Variants in MOB1B observed in about 807,000 individuals in gnomAD.
MOB1B encodes the protein MOB kinase activator 1B, also known as MOB1 Mps One Binder homolog B.
Under a neutral mutation model 24.4 loss-of-function variants are expected in MOB1B, and 19 were observed. The ratio of observed to expected loss-of-function variants is 0.78; its 90% CI spans 0.54 to 1.14. The LOEUF is 1.14. Among genes scored for constraint, MOB1B ranks in the 50% most tolerant of loss-of-function variants. The probability of loss-of-function intolerance (pLI) is 0.00; values close to 1 mark genes in which losing one functional copy is unlikely to be tolerated. For synonymous variants in MOB1B, 76 were observed against 82.1 expected (o/e 0.93, Z 0.40); for missense variants, 243 against 259.6 (o/e 0.94, Z 0.44).
At chr4:70,943,529 G>A (rs1737435109) in intron 1 of MOB1B, among the ~76,000 whole-genome samples, 1 of 152,116 alleles carries the variant, frequency 6.6e-6, no homozygotes, top group African/African-American at 2.4e-5. Flanking sequence ...AAAGACAGTA[G>A]TTCAAGGTAT....
chr4:70,976,767 T>TATATATAC (rs1553939784), intron 4 of MOB1B: 2 of 215,414 alleles, frequency 9.3e-6, no homozygotes, highest in African/African-American at 5.4e-5. Flanking sequence ...TATATATATA[T>TATATATAC]ATATATATCT....
intron 1 of MOB1B, among the ~76,000 whole-genome samples, chr4:70,923,514 T>C (rs1247910514): frequency 1.3e-5 from 2 of 152,206 alleles, no homozygotes; most frequent in East Asian, 3.8e-4. Context: ...AATTTTCTTT[T>C]ATTGCTACCC....
At chr4:70,913,306 A>G (rs1055152081) in intron 1 of MOB1B, among the ~76,000 whole-genome samples, 2 of 151,258 alleles carry the variant, frequency 1.3e-5, no homozygotes, top group Non-Finnish European at 2.9e-5. Flanking sequence ...GTATGTATCT[A>G]TGTATTTTTT....
At chr4:70,978,500 A>G (rs375816100) in intron 4 of MOB1B, among the ~76,000 whole-genome samples, 1 of 152,258 alleles carries the variant, frequency 6.6e-6, no homozygotes, top group African/African-American at 2.4e-5. Context: ...AGGAACCTCC[A>G]TGCTGTTTTC....
intron 3 of MOB1B, among the ~76,000 whole-genome samples, chr4:70,970,737 C>G (rs978510891): frequency 1.3e-5 from 2 of 152,116 alleles, no homozygotes; most frequent in African/African-American, 2.4e-5. Flanking sequence ...GAATATTGCT[C>G]TATGCATTGC....
At chr4:70,919,647 C>T (rs1156628167) in intron 1 of MOB1B, among the ~76,000 whole-genome samples, 2 of 152,134 alleles carry the variant, frequency 1.3e-5, no homozygotes, top group Non-Finnish European at 2.9e-5. Flanking sequence ...TACAGGCGCG[C>T]ACCACCATGC....
At chr4:70,902,850 C>T (rs1382444357) in intron 1 of MOB1B, among the ~76,000 whole-genome samples, 3 of 152,220 alleles carry the variant, frequency 2.0e-5, no homozygotes, top group Non-Finnish European at 4.4e-5. Context: ...TGCCTTCGCT[C>T]GCATTCCCGG....
intron 1 of MOB1B, among the ~76,000 whole-genome samples, chr4:70,928,371 C>G (rs972516316): frequency 2.0e-5 from 3 of 149,474 alleles, no homozygotes; most frequent in African/African-American, 7.4e-5. Context: ...TCTCGGCCCA[C>G]TGCACCCTCT....
Position 70,975,545 on chromosome 4 carries a change from T to G in MOB1B, c.409+259T>G, listed in dbSNP as rs528408168. On this transcript the variant is annotated intron_variant, in intron 4 of 5. Coordinates refer to ENST00000309395, the MANE Select transcript of MOB1B (RefSeq NM_173468.4). ...TGCTTAATTAGCTGAAAGTATAGGT[T>G]TATTAGAAAATAAATGATCTCCCTC... 81 of 1,109,476 alleles carry G rather than the reference T, an allele frequency of 7.3e-5. No individual in the cohort carries two copies. In the African/African-American group the frequency reaches 1.3e-3, roughly 18 times the overall value. The allele number at this position is 1,109,476 out of a possible 1,614,324, so 68.7% of individuals were successfully genotyped here.
chr4:70,926,087 G>A (rs960516090), intron 1 of MOB1B, among the ~76,000 whole-genome samples: 5 of 152,006 alleles, frequency 3.3e-5, no homozygotes, highest in African/African-American at 7.3e-5. Flanking sequence ...TCCTGGGCTC[G>A]TGATTCTTCC....
Position 70,905,988 on chromosome 4 carries a change from G to C in MOB1B, c.14+3438G>C, listed in dbSNP as rs575526632. On this transcript the variant is annotated intron_variant, in intron 1 of 5. Transcript: ENST00000309395. ...GGGCTGAGGTGGAAGGGTCATCTGA[G>C]CCTGAGGAAATTAAATACTTCAAGG... is the stretch of plus-strand genomic sequence containing the variant. Among the ~76,000 whole-genome samples, 8 of 152,092 alleles carry C rather than the reference G, an allele frequency of 5.3e-5. No individual in the cohort carries two copies. The East Asian group carries it at 1.4e-3, about 26-fold the overall frequency.
intron 4 of MOB1B, among the ~76,000 whole-genome samples, chr4:70,978,258 G>A (rs1410444470): frequency 1.3e-5 from 2 of 152,168 alleles, no homozygotes; most frequent in Admixed American, 1.3e-4. Flanking sequence ...CAAATTGCAA[G>A]ATCTCTTTTT....
chr4:70,954,856 G>A (rs1184959955), intron 1 of MOB1B, among the ~76,000 whole-genome samples: 1 of 151,700 alleles, frequency 6.6e-6, no homozygotes, highest in African/African-American at 2.4e-5. Flanking sequence ...CAGCTACTTG[G>A]GAGGCTGCAA....
chr4:70,956,491 C>G (rs1230888845), intron 1 of MOB1B, among the ~76,000 whole-genome samples: 1 of 151,962 alleles, frequency 6.6e-6, no homozygotes, highest in Non-Finnish European at 1.5e-5. Flanking sequence ...AAAGCAGTGG[C>G]GTGATCTTGG....
At chr4:70,907,134 A>G (rs1161865888) in intron 1 of MOB1B, among the ~76,000 whole-genome samples, 1 of 152,222 alleles carries the variant, frequency 6.6e-6, no homozygotes, top group Non-Finnish European at 1.5e-5. Flanking sequence ...AAGAGGCTGT[A>G]GAATTTTGGA....
intron 1 of MOB1B, among the ~76,000 whole-genome samples, chr4:70,938,888 C>G (rs1737205742): frequency 6.6e-6 from 1 of 151,598 alleles, no homozygotes; most frequent in Non-Finnish European, 1.5e-5. Flanking sequence ...AGCGATCCTC[C>G]TGCCTTAGCC....
intron 1 of MOB1B, among the ~76,000 whole-genome samples, chr4:70,920,509 G>A (rs544556015): frequency 6.6e-6 from 1 of 152,366 alleles, no homozygotes; most frequent in Non-Finnish European, 1.5e-5. Flanking sequence ...ACAGGCATGA[G>A]CCACTGAACC....
Position 70,912,234 on chromosome 4 carries a change from A to C in MOB1B, c.14+9684A>C, listed in dbSNP as rs1736017482. Among the ~76,000 whole-genome samples, 6 of 151,662 alleles carry C rather than the reference A, an allele frequency of 4.0e-5. No individual in the cohort carries two copies. In the South Asian group the frequency reaches 1.3e-3, roughly 32 times the overall value. ...TTTACAACACATTTAATTAAGTATAAGTGTAGCTGTGAAGTAACATTCTTT... is the reference window on the plus strand; with the variant it reads ...TTTACAACACATTTAATTAAGTATACGTGTAGCTGTGAAGTAACATTCTTT... On this transcript the variant is annotated intron_variant, in intron 1 of 5. Transcript: ENST00000309395.
intron 1 of MOB1B, among the ~76,000 whole-genome samples, chr4:70,941,249 T>G (rs937010459): frequency 6.6e-6 from 1 of 152,150 alleles, no homozygotes; most frequent in African/African-American, 2.4e-5. Context: ...AGGTGCCCCT[T>G]TAGACATGAA....
Sources: gnomAD v4.1 joint callset for allele counts (sites outside exome capture counted in the v4.1 genomes callset) on GRCh38, gnomAD v4.1.1 for gene constraint, MANE v1.5 for transcripts, NCBI Gene and HGNC (gene_info 2026-07-23, HGNC 2026-07-21) for gene names.